The following MC2R variants were observed in gnomAD, a reference collection of about 807,000 sequenced individuals.
MC2R encodes adrenocorticotropic hormone receptor.
In MC2R, 9 loss-of-function variants were observed where a neutral mutation model predicts 9.8. The ratio of observed to expected loss-of-function variants is 0.92; its 90% confidence interval spans 0.55 to 1.60. MC2R has a LOEUF of 1.60. MC2R is among the 40% of genes most tolerant of loss of function. The pLI is 0.00. For synonymous variants in MC2R, 185 were observed against 154.7 expected, an observed-to-expected ratio of 1.20 and a Z score of -1.45; for missense variants, 370 against 389.0, an observed-to-expected ratio of 0.95 and a Z score of 0.41.
At chr18:13,898,050 A>T (rs948191197) in intron 1 of MC2R, among the ~76,000 whole-genome samples, 6 of 151,900 alleles carry the variant, frequency 3.9e-5, no homozygotes, top group African/African-American at 1.5e-4. Context: ...GCCACTGTGG[A>T]ATAGAGTACC....
At chr18:13,886,979 TGTGAGG>T (rs1428883298) in intron 1 of MC2R, among the ~76,000 whole-genome samples, 1 of 152,218 alleles carries the variant, frequency 6.6e-6, no homozygotes, top group African/African-American at 2.4e-5. Flanking sequence ...GCGTAGCTGC[TGTGAGG>T]GTTCTGCCTG....
intron 1 of MC2R, among the ~76,000 whole-genome samples, chr18:13,891,560 C>T (rs185360588): frequency 2.0e-5 from 3 of 152,302 alleles, no homozygotes; most frequent in Admixed American, 2.0e-4. Context: ...GAGTGCCTGC[C>T]CCTTCCCTAG....
intron 1 of MC2R, among the ~76,000 whole-genome samples, chr18:13,914,309 G>C (rs549180142): frequency 6.6e-5 from 10 of 152,332 alleles, no homozygotes; most frequent in Admixed American, 6.5e-4. Flanking sequence ...TGTGTGTCCT[G>C]TCTGGGAGCT....
chr18:13,888,952 C>T (rs892370352), intron 1 of MC2R, among the ~76,000 whole-genome samples: 2 of 152,184 alleles, frequency 1.3e-5, no homozygotes, highest in South Asian at 2.1e-4. Context: ...CTCCCATTTG[C>T]TTTTTTGTGT....
intron 1 of MC2R, among the ~76,000 whole-genome samples, chr18:13,907,701 A>G (rs539176931): frequency 2.0e-5 from 3 of 152,338 alleles, no homozygotes; most frequent in East Asian, 1.9e-4. Flanking sequence ...AAATAATCCA[A>G]TTTAAAAATG....
chr18:13,893,241 G>T (rs1485675990), intron 1 of MC2R, among the ~76,000 whole-genome samples: 3 of 152,212 alleles, frequency 2.0e-5, no homozygotes, highest in Non-Finnish European at 4.4e-5. Flanking sequence ...AAGTAGTCCT[G>T]AATCAAGCAT....
Position 13,884,667 on chromosome 18 carries a change from C to T in MC2R, c.852G>A (p.Arg284=), listed in dbSNP as rs757480253. ...FIYAFRSPEL[R]DAFKKMIFCS... ...AGAAGATCATCTTTTTGAATGCGTC[C>T]CTGAGCTCTGGGCTCCGGAAGGCAT... The change falls in exon 2 of 2, where the codon AGG becomes AGA. Residue 284 remains arginine (R), a synonymous_variant. Coordinates refer to ENST00000327606, the MANE Select transcript of MC2R (RefSeq NM_000529.2). 2 of 1,613,844 alleles carry T rather than the reference C, an allele frequency of 1.2e-6. No homozygotes were observed. The highest frequency in any genetic ancestry group is 2.2e-5 in the East Asian group (1 of 44,870).
At chr18:13,911,257 G>C (rs1007139912) in intron 1 of MC2R, among the ~76,000 whole-genome samples, 1 of 152,182 alleles carries the variant, frequency 6.6e-6, no homozygotes, top group African/African-American at 2.4e-5. Context: ...GCAGCCTGCA[G>C]CCTCTCCTGG....
In MC2R at chr18:13,892,082, G is replaced by A. The variant is rs551413301; in HGVS notation, c.-128-6436C>T. ...GGGCCAGTGGTGGCCTGTGTCCTGA[G>A]AGGACCAGAGTCTGGGGTCAATTCA... is the stretch of plus-strand genomic sequence containing the variant. On this transcript the variant is annotated intron_variant, in intron 1 of 1. Transcript: ENST00000327606. Among the ~76,000 whole-genome samples the A allele has an allele frequency of 9.8e-5, 15 of 152,362 alleles. No homozygotes were observed. The East Asian group carries it at 2.9e-3, about 29-fold the overall frequency.
intron 1 of MC2R, among the ~76,000 whole-genome samples, chr18:13,913,472 C>T (rs2045458493): frequency 1.3e-5 from 2 of 152,220 alleles, no homozygotes; most frequent in African/African-American, 4.8e-5. Context: ...AGGCTCTGTG[C>T]GTTACCCATG....
chr18:13,896,009 T>C lies in MC2R; in HGVS notation c.-128-10363A>G, dbSNP rs143446297. ...CTTTTTTTCTCACATATTAGATTGGTATTTGAATATTTAATTCGAATATTA... is the reference window on the plus strand; with the variant it reads ...CTTTTTTTCTCACATATTAGATTGGCATTTGAATATTTAATTCGAATATTA... On this transcript the variant is annotated intron_variant, in intron 1 of 1. Coordinates refer to ENST00000327606, the MANE Select transcript of MC2R (RefSeq NM_000529.2). Among the ~76,000 whole-genome samples the C allele has an allele frequency of 4.0e-3, 606 of 152,326 alleles. 4 individuals carry two copies. Among genetic ancestry groups the C allele is most frequent in the African/African-American group, 0.014 (585 of 41,566 alleles).
intron 1 of MC2R, among the ~76,000 whole-genome samples, chr18:13,892,540 T>G (rs1440128539): frequency 6.6e-6 from 1 of 152,156 alleles, no homozygotes; most frequent in Non-Finnish European, 1.5e-5. Flanking sequence ...GTGCCTTCCT[T>G]TTCTGCCAGG....
chr18:13,890,918 G>A (rs2045312335), intron 1 of MC2R, among the ~76,000 whole-genome samples: 1 of 152,190 alleles, frequency 6.6e-6, no homozygotes, highest in Non-Finnish European at 1.5e-5. Context: ...CAAGGATGAA[G>A]AGGAGCCTGC....
intron 1 of MC2R, among the ~76,000 whole-genome samples, chr18:13,891,236 G>C (rs1447621920): frequency 6.6e-6 from 1 of 152,196 alleles, no homozygotes; most frequent in Non-Finnish European, 1.5e-5. Context: ...CCAAAAAGTA[G>C]ATGGATCACT....
intron 1 of MC2R, among the ~76,000 whole-genome samples, chr18:13,903,293 GA>G (rs970454277): frequency 6.6e-6 from 1 of 152,110 alleles, no homozygotes; most frequent in African/African-American, 2.4e-5. Context: ...GAGATTCCTT[GA>G]AAAATTAAAA....
intron 1 of MC2R, among the ~76,000 whole-genome samples, chr18:13,886,541 C>T (rs1014702227): frequency 3.3e-5 from 5 of 152,218 alleles, no homozygotes; most frequent in African/African-American, 1.2e-4. Flanking sequence ...TTAGTCCATT[C>T]CTTCTCACTG....
intron 1 of MC2R, among the ~76,000 whole-genome samples, chr18:13,886,907 A>G (rs1048925041): frequency 4.6e-5 from 7 of 152,208 alleles, no homozygotes; most frequent in Admixed American, 1.3e-4. Context: ...ATTGGGTCAG[A>G]GGTCAAGTGT....
At position 13,882,364 on chromosome 18, in the gene MC2R, A is replaced by T. The variant is rs751103529; in HGVS notation, c.*2261T>A. ...CCCTGAAGCTTCTGTTCTGATTGGAATATAGCAGAAGACCTAGAATTGAAA... is the reference window on the plus strand; with the variant it reads ...CCCTGAAGCTTCTGTTCTGATTGGATTATAGCAGAAGACCTAGAATTGAAA... On this transcript the variant is annotated 3_prime_UTR_variant, in exon 2 of 2. Coordinates refer to ENST00000327606, the MANE Select transcript of MC2R (RefSeq NM_000529.2). 9 of 152,254 alleles carry T rather than the reference A, an allele frequency of 5.9e-5. No individual in the cohort carries two copies. Among genetic ancestry groups the T allele is most frequent in the Non-Finnish European group, 8.8e-5 (6 of 68,052 alleles). 9.4% of individuals were successfully genotyped at this position (152,254 alleles called of 1,614,324 possible).
chr18:13,887,683 G>T (rs954194259), intron 1 of MC2R, among the ~76,000 whole-genome samples: 2 of 152,222 alleles, frequency 1.3e-5, no homozygotes, highest in South Asian at 4.1e-4. Flanking sequence ...GAGGATAACA[G>T]ACCAGCTCCT....
Sources: gnomAD v4.1 joint callset for allele counts (sites outside exome capture counted in the v4.1 genomes callset) on GRCh38, gnomAD v4.1.1 for gene constraint, MANE v1.5 for transcripts, NCBI Gene and HGNC (gene_info 2026-07-23, HGNC 2026-07-21) for gene names.